Variants in ISM2 observed in about 807,000 individuals in gnomAD.
The protein encoded by ISM2 is isthmin 2.
In ISM2, 50 loss-of-function variants were observed where a neutral mutation model predicts 58.0. The observed-to-expected ratio is 0.86, with a 90% CI of 0.69 to 1.09. The LOEUF (loss-of-function observed/expected upper bound fraction) is 1.09. Among genes scored for constraint, ISM2 ranks in the 50% least tolerant of loss-of-function variants. The pLI is 0.00. For synonymous variants in ISM2, 303 were observed against 312.4 expected (o/e 0.97, Z 0.32); for missense variants, 723 against 745.0 (o/e 0.97, Z 0.34).
At chr14:77,489,065 C>T (rs947614035) in intron 1 of ISM2, among the ~76,000 whole-genome samples, 1 of 152,096 alleles carries the variant, frequency 6.6e-6, no homozygotes, top group African/African-American at 2.4e-5. Context: ...GCTTACCTTC[C>T]CAGGCTTGGC....
chr14:77,495,687 A>G (rs1391688854), intron 1 of ISM2, among the ~76,000 whole-genome samples: 1 of 152,142 alleles, frequency 6.6e-6, no homozygotes, highest in Non-Finnish European at 1.5e-5. Flanking sequence ...GGTAGAGGCC[A>G]GGAATGCTGC....
intron 4 of ISM2, 49 bp downstream of exon 4, chr14:77,482,273 C>G: frequency 2.8e-6 from 4 of 1,429,964 alleles, no homozygotes; most frequent in Non-Finnish European, 3.9e-6. Flanking sequence ...CATTTCCACT[C>G]AGTACCTACA....
At chr14:77,478,407 G>T in intron 5 of ISM2, 82 bp from the exon 6 acceptor site, 1 of 1,448,730 alleles carries the variant, frequency 6.9e-7, no homozygotes. Context: ...CACCTCAATA[G>T]GCTCTCAGTG....
Position 77,475,859 on chromosome 14 carries a change from G to T in ISM2, c.1452C>A (p.Ser484Arg). ...FCLRSMLSGE[S>R]STLAAQHCCY... ...AGCAGTGCTGGGCGGCCAGTGTGCTGCTCTCCCCAGACAGCATGGAACGCA... is the reference window on the plus strand; with the variant it reads ...AGCAGTGCTGGGCGGCCAGTGTGCTTCTCTCCCCAGACAGCATGGAACGCA... Residue 484 changes from serine to arginine, a missense_variant, in exon 7 of 7, where the codon AGC becomes AGA. By Grantham distance (110) the Ser-to-Arg change is moderately radical (BLOSUM62 -1). Coordinates refer to ENST00000342219, the MANE Select transcript of ISM2 (RefSeq NM_199296.3). This position sits in a 1 kb window ranked among gnomAD's most constrained non-coding sequence, Gnocchi z 4.1. 9 of 1,609,104 alleles carry T rather than the reference G, an allele frequency of 5.6e-6. No homozygotes were observed. Among genetic ancestry groups the T allele is most frequent in the Non-Finnish European group, 6.8e-6 (8 of 1,179,864 alleles).
chr14:77,485,924 C>T (rs2079164873), intron 1 of ISM2, among the ~76,000 whole-genome samples: 1 of 152,252 alleles, frequency 6.6e-6, no homozygotes, highest in Non-Finnish European at 1.5e-5. Flanking sequence ...TCCTCGTCTG[C>T]AGAATGAAGA....
intron 1 of ISM2, among the ~76,000 whole-genome samples, chr14:77,489,029 C>T (rs1433646980): frequency 6.6e-6 from 1 of 152,062 alleles, no homozygotes; most frequent in Non-Finnish European, 1.5e-5. Context: ...ATATCTTTAC[C>T]AGTTCTCTCT....
chr14:77,483,534 C>T (rs1466107961), intron 3 of ISM2, among the ~76,000 whole-genome samples: 10 of 144,004 alleles, frequency 6.9e-5, no homozygotes, highest in African/African-American at 1.0e-4. Flanking sequence ...TGCAACAGAG[C>T]GAGACTCCAT....
chr14:77,484,752 A>T lies in ISM2; in HGVS notation c.309T>A (p.Thr103=), dbSNP rs769956665. The T allele has an allele frequency of 6.2e-7, 1 of 1,611,624 alleles. No homozygotes were observed. Among genetic ancestry groups the T allele is most frequent in the Non-Finnish European group, 8.5e-7 (1 of 1,179,496 alleles). The change falls in exon 2 of 7, where the codon ACT becomes ACA. Residue 103 remains threonine (T), a synonymous_variant. Coordinates refer to ENST00000342219, the MANE Select transcript of ISM2 (RefSeq NM_199296.3). ...NATPPRTPEV[T]PLRLELQKLP... The stretch of plus-strand genomic sequence containing the variant: ...GCTTCTGCAGCTCCAGCCGCAACGG[A>T]GTAACCTCTGGGGTCCTGGGAGGGG...
At chr14:77,479,537 C>T (rs908817721) in intron 4 of ISM2, among the ~76,000 whole-genome samples, 6 of 152,166 alleles carry the variant, frequency 3.9e-5, no homozygotes, top group Admixed American at 2.6e-4. Flanking sequence ...GTGCCCGCCA[C>T]CACACCCAGC....
At chr14:77,480,965 G>A (rs1730763695) in intron 4 of ISM2, among the ~76,000 whole-genome samples, 1 of 152,160 alleles carries the variant, frequency 6.6e-6, no homozygotes, top group Admixed American at 6.5e-5. Context: ...AGACACCAGG[G>A]CTCCAAGGGG....
In ISM2 at chr14:77,482,498, C is replaced by T. The variant is rs62639706; in HGVS notation, c.797G>A (p.Gly266Glu). 5.8e-4 allele frequency: 940 copies of T among 1,614,218 alleles called. 9 individuals are homozygous for T. In the African/African-American group the frequency reaches 0.011, roughly 19 times the overall value. ...EEKDRAPGEK[G>E]EEKEEDEDYP... ...GTCCTCGTCTTCCTCCTTTTCCTCCCCCTTCTCCCCTGGGGCCCTGTCTTT... is the reference window on the plus strand; with the variant it reads ...GTCCTCGTCTTCCTCCTTTTCCTCCTCCTTCTCCCCTGGGGCCCTGTCTTT... The change falls in exon 4 of 7, where the codon GGG becomes GAG. Residue 266 changes from glycine to glutamate, a missense_variant. By Grantham distance (98) the Gly-to-Glu change is moderately conservative (BLOSUM62 -2). Coordinates refer to ENST00000342219, the MANE Select transcript of ISM2 (RefSeq NM_199296.3).
At chr14:77,498,535 C>T (rs943975084) in intron 1 of ISM2, 118 bp downstream of exon 1, 3 of 1,363,690 alleles carry the variant, frequency 2.2e-6, no homozygotes, top group Non-Finnish European at 2.9e-6. Flanking sequence ...GCCCCTCTCT[C>T]CATCGGGGGG....
At chr14:77,491,951 C>T (rs1165254848) in intron 1 of ISM2, among the ~76,000 whole-genome samples, 1 of 151,714 alleles carries the variant, frequency 6.6e-6, no homozygotes, top group African/African-American at 2.4e-5. Context: ...CTGCCTCAGC[C>T]TCCCAAAGTG....
In ISM2 at chr14:77,475,750, G is replaced by C. The variant is rs1325949842; in HGVS notation, c.1561C>G (p.Leu521Val). 1.2e-6 allele frequency: 2 copies of C among 1,613,828 alleles called. No individual in the cohort carries two copies. The highest frequency in any genetic ancestry group is 3.3e-5 in the Admixed American group (2 of 59,996). The change falls in exon 7 of 7, where the codon CTG becomes GTG. Residue 521 changes from leucine (L) to valine (V), a missense_variant. Coordinates refer to ENST00000342219, the MANE Select transcript of ISM2 (RefSeq NM_199296.3). The surrounding 1 kb of genome is among the most constrained non-coding windows in gnomAD (Gnocchi z 4.1). ...NLISTDFSPK[L>V]HFKFDTTPWI... ...GGCGTCGTGTCGAACTTGAAGTGCA[G>C]CTTAGGTGAGAAGTCGGTGCTGATG...
In ISM2 at chr14:77,498,767, C is replaced by A; in HGVS notation, c.27G>T (p.Gly9=). The A allele has an allele frequency of 6.8e-7, 1 of 1,469,548 alleles. No individual in the cohort carries two copies. The highest frequency in any genetic ancestry group is 8.9e-7 in the Non-Finnish European group (1 of 1,119,392). 91.0% of individuals were successfully genotyped at this position (1,469,548 alleles called of 1,614,324 possible). A position where few individuals can be genotyped will look rare whatever the true frequency, so the allele number is the denominator to read the frequency against. The change falls in exon 1 of 7, where the codon GGG becomes GGT. Residue 9 remains glycine (G), a synonymous_variant. Transcript: ENST00000342219. Reference sequence around the variant, plus strand: ...CCAGCAGCAGCACGCAGAGGAGGAGCCCGGCTCGGTCGCGGAGCGCACGCA... The same window carrying A: ...CCAGCAGCAGCACGCAGAGGAGGAGACCGGCTCGGTCGCGGAGCGCACGCA... The part of the protein sequence containing the change: MRALRDRA[G]LLLCVLLLAA...
chr14:77,494,371 T>A (rs572743733), intron 1 of ISM2, among the ~76,000 whole-genome samples: 52 of 152,228 alleles, frequency 3.4e-4, no homozygotes, highest in Non-Finnish European at 6.2e-4. Flanking sequence ...GTCTTTGGGC[T>A]GGTCAGTTAT....
At chr14:77,485,035 C>CAGGTAAA in intron 1 of ISM2, 116 bp from the exon 2 acceptor site, 1 of 1,066,250 alleles carries the variant, frequency 9.4e-7, no homozygotes, top group Admixed American at 2.3e-5. Flanking sequence ...CATAAACTCA[C>CAGGTAAA]CCTGTGACTT....
At position 77,478,281 on chromosome 14, in the gene ISM2, T is replaced by C. The variant is rs149849326; in HGVS notation, c.1159A>G (p.Lys387Glu). The part of the protein sequence containing the change: ...DTLGLPSEEW[K>E]LLARNATDMH... ...TCCGTAGCATTGCGGGCCAGGAGCT[T>C]CCACTCCTCACTGGGGAGGCCCAAG... The change falls in exon 6 of 7, where the codon AAG (lysine) becomes GAG (glutamate). Residue 387 changes from lysine (K) to glutamate (E), a missense_variant. By Grantham distance (56) the Lys-to-Glu change is moderately conservative. Transcript: ENST00000342219. 0.016 allele frequency: 25,569 copies of C among 1,614,102 alleles called. 322 individuals carry two copies. The highest frequency in any genetic ancestry group is 0.057 in the Middle Eastern group (345 of 6,062).
In ISM2 at chr14:77,497,737, AGGAGGGAGGGAGGGAG is replaced by A. The variant is rs1292866877; in HGVS notation, c.141+900_141+915del. ...AGGGAGAAAGAAAAAGTAGGAAGGA[AGGAGGGAGGGAGGGAG>A]GGAGGGAGGGAGGGAGGGAAGGAAG... On this transcript the variant is annotated intron_variant, in intron 1 of 6. Transcript: ENST00000342219. Among the ~76,000 whole-genome samples, 76 of 46,344 alleles carry A rather than the reference AGGAGGGAGGGAGGGAG, an allele frequency of 1.6e-3. 2 individuals are homozygous for A. The highest frequency in any genetic ancestry group is 5.0e-3 in the African/African-American group (73 of 14,492). The allele number at this position is 46,344 out of a possible 152,430, so 30.4% of individuals were successfully genotyped here.
Sources: gnomAD v4.1 joint callset for allele counts (sites outside exome capture counted in the v4.1 genomes callset) on GRCh38, gnomAD v4.1.1 for gene constraint, Gnocchi (gnomAD v3.1) non-coding constraint, MANE v1.5 for transcripts, NCBI Gene and HGNC (gene_info 2026-07-23, HGNC 2026-07-21) for gene names.